PRDM16: variants seen among roughly 807,000 people sequenced by gnomAD.
The protein encoded by PRDM16 is PR/SET domain 16, also known as histone-lysine N-methyltransferase PRDM16.
Under a neutral mutation model 110.6 loss-of-function variants are expected in PRDM16, and 23 were observed. The ratio of observed to expected loss-of-function variants is 0.21; its 90% confidence interval spans 0.15 to 0.29. The LOEUF is 0.29. Ranked by LOEUF, PRDM16 falls within the 10% of genes least tolerant of loss-of-function variation. The pLI is 1.00. For missense variants in PRDM16, 1,615 were observed against 1,794.3 expected, an observed-to-expected ratio of 0.90 and a Z score of 1.81; for synonymous variants, 799 against 781.8, an observed-to-expected ratio of 1.02 and a Z score of -0.37.
chr1:3,165,663 T>TCAGGGACAGGGACTCACCTGGGCC (rs1643945886), intron 1 of PRDM16, among the ~76,000 whole-genome samples: 1 of 83,146 alleles, frequency 1.2e-5, no homozygotes, highest in Non-Finnish European at 2.2e-5. Flanking sequence ...TCACCTGGGC[T>TCAGGGACAGGGACTCACCTGGGCC]CAGGGACAGT....
intron 5 of PRDM16, among the ~76,000 whole-genome samples, chr1:3,400,352 C>T (rs548145582): frequency 1.3e-5 from 2 of 152,336 alleles, no homozygotes; most frequent in South Asian, 4.1e-4. Flanking sequence ...CCCACCAGAC[C>T]CCAGGGGTCA....
At chr1:3,079,546 C>T (rs1358295645) in intron 1 of PRDM16, among the ~76,000 whole-genome samples, 2 of 152,232 alleles carry the variant, frequency 1.3e-5, no homozygotes, top group African/African-American at 4.8e-5. Flanking sequence ...AGCGGCCTGG[C>T]CCCAGGGACG....
At chr1:3,281,576 C>T (rs536906244) in intron 3 of PRDM16, among the ~76,000 whole-genome samples, 1 of 152,144 alleles carries the variant, frequency 6.6e-6, no homozygotes, top group Non-Finnish European at 1.5e-5. Flanking sequence ...CACTGATGAG[C>T]TATGGTTAGA....
intron 1 of PRDM16, among the ~76,000 whole-genome samples, chr1:3,167,382 C>T (rs1322600966): frequency 6.6e-6 from 1 of 152,156 alleles, no homozygotes; most frequent in East Asian, 1.9e-4. Context: ...GTGGGAGAGC[C>T]TCAGGGTTAG....
intron 3 of PRDM16, among the ~76,000 whole-genome samples, chr1:3,297,346 C>T (rs536498805): frequency 1.8e-4 from 26 of 147,686 alleles, no homozygotes; most frequent in African/African-American, 5.0e-4. Flanking sequence ...TGCAATGGCG[C>T]GATCTTGGCT....
chr1:3,383,698 G>A (rs34341637), intron 3 of PRDM16, among the ~76,000 whole-genome samples: 2 of 152,136 alleles, frequency 1.3e-5, no homozygotes, highest in African/African-American at 2.4e-5. Flanking sequence ...GAGAGTGCAT[G>A]CCGAGCATCT....
chr1:3,096,273 C>T (rs1303194320), intron 1 of PRDM16, among the ~76,000 whole-genome samples: 2 of 152,106 alleles, frequency 1.3e-5, no homozygotes, highest in Non-Finnish European at 2.9e-5. Flanking sequence ...TGGCAGTTCC[C>T]CACAAGGCAG....
chr1:3,085,898 C>T (rs750301348), intron 1 of PRDM16, among the ~76,000 whole-genome samples: 18 of 152,248 alleles, frequency 1.2e-4, no homozygotes, highest in Non-Finnish European at 2.9e-5. Context: ...GCTTGGCGTC[C>T]AGCAGGGCGC....
chr1:3,415,174 G>A (rs1158825185), intron 10 of PRDM16, among the ~76,000 whole-genome samples: 1 of 152,148 alleles, frequency 6.6e-6, no homozygotes, highest in African/African-American at 2.4e-5. Flanking sequence ...ACAGGTGGGT[G>A]CAGACCCTGC....
At chr1:3,409,946 G>A (rs111063488) in intron 8 of PRDM16, among the ~76,000 whole-genome samples, 16,054 of 128,520 alleles carry the variant, frequency 0.12, 957 homozygotes, top group Middle Eastern at 0.2. Flanking sequence ...TGTGGTGTGG[G>A]TGTGTGTGCG....
At chr1:3,111,543 G>T (rs1466203159) in intron 1 of PRDM16, among the ~76,000 whole-genome samples, 1 of 96,208 alleles carries the variant, frequency 1.0e-5, no homozygotes, top group East Asian at 2.9e-4. Context: ...GAGGGAAAGA[G>T]GTGGGATAAG....
intron 3 of PRDM16, among the ~76,000 whole-genome samples, chr1:3,311,050 G>A (rs573719480): frequency 7.2e-5 from 11 of 152,292 alleles, no homozygotes; most frequent in African/African-American, 2.4e-4. Flanking sequence ...CAGGATGCAG[G>A]GAGTCCTCAG....
At chr1:3,408,266 G>C (rs1409940911) in intron 8 of PRDM16, among the ~76,000 whole-genome samples, 2 of 152,244 alleles carry the variant, frequency 1.3e-5, no homozygotes, top group East Asian at 3.8e-4. Flanking sequence ...GACGGAGGGG[G>C]TGTCATTCCT....
At chr1:3,091,077 G>A (rs1642265560) in intron 1 of PRDM16, among the ~76,000 whole-genome samples, 1 of 152,202 alleles carries the variant, frequency 6.6e-6, no homozygotes, top group Admixed American at 6.5e-5. Context: ...CTCTGGACGG[G>A]GCTTCTTCTC....
At chr1:3,200,976 G>A (rs985226738) in intron 2 of PRDM16, among the ~76,000 whole-genome samples, 2 of 133,696 alleles carry the variant, frequency 1.5e-5, no homozygotes, top group Admixed American at 1.4e-4. Context: ...AAGAGGAGGA[G>A]GAAGAGGAGG....
intron 1 of PRDM16, among the ~76,000 whole-genome samples, chr1:3,185,448 T>C (rs946169123): frequency 6.6e-6 from 1 of 151,988 alleles, no homozygotes; most frequent in Non-Finnish European, 1.5e-5. Context: ...GTCCAGGCTG[T>C]GGCCTAAGTG....
At chr1:3,249,582 C>G (rs1450190797) in intron 3 of PRDM16, among the ~76,000 whole-genome samples, 1 of 152,096 alleles carries the variant, frequency 6.6e-6, no homozygotes, top group Non-Finnish European at 1.5e-5. Flanking sequence ...ATCCCTAACC[C>G]TAAGAACCCT....
intron 1 of PRDM16, among the ~76,000 whole-genome samples, chr1:3,143,000 A>G (rs1643581616): frequency 6.6e-6 from 1 of 152,186 alleles, no homozygotes; most frequent in African/African-American, 2.4e-5. Context: ...AATCCGATGC[A>G]TTTGCTGGGA....
Position 3,086,746 on chromosome 1 carries a change from G to C in PRDM16, c.37+17450G>C, listed in dbSNP as rs115049698. On this transcript the variant is annotated intron_variant, in intron 1 of 16. Transcript: ENST00000270722. ...CTTTCGGAGCTAACGAGTGGTTCTT[G>C]GCGTCGTCTGCCGGGGCTTGCTGTC... 2.5e-3 allele frequency among the ~76,000 whole-genome samples: 381 copies of C among 152,296 alleles called. 3 individuals carry two copies. The highest frequency in any genetic ancestry group is 8.6e-3 in the African/African-American group (357 of 41,580).
Sources: gnomAD v4.1 joint callset for allele counts (sites outside exome capture counted in the v4.1 genomes callset) on GRCh38, gnomAD v4.1.1 for gene constraint, MANE v1.5 for transcripts, NCBI Gene and HGNC (gene_info 2026-07-23, HGNC 2026-07-21) for gene names.